The following DLG2 variants were observed in gnomAD, a reference collection of about 807,000 sequenced individuals.
DLG2 encodes the protein discs large MAGUK scaffold protein 2, also known as disks large homolog 2.
In DLG2, 45 loss-of-function variants were observed where a neutral mutation model predicts 132.5. That is an observed-to-expected ratio of 0.34 (90% CI 0.27 to 0.44). DLG2 has a LOEUF of 0.44. Among genes scored for constraint, DLG2 ranks in the 20% least tolerant of loss-of-function variants. The pLI, the probability that DLG2 is intolerant of heterozygous loss-of-function variation, is 1.00. For synonymous variants in DLG2, 424 were observed against 419.6 expected (o/e 1.01, Z -0.13); for missense variants, 1,045 against 1,196.9 (o/e 0.87, Z 1.87).
intron 7 of DLG2, among the ~76,000 whole-genome samples, chr11:84,470,618 G>A (rs900229990): frequency 3.3e-5 from 5 of 151,820 alleles, no homozygotes; most frequent in Middle Eastern, 3.4e-3. Flanking sequence ...AGTATGCAAC[G>A]TACCTATGTA....
intron 6 of DLG2, among the ~76,000 whole-genome samples, chr11:84,615,839 A>AAAAAAAAAAAAAAAT: frequency 6.8e-6 from 1 of 146,124 alleles, no homozygotes; most frequent in South Asian, 2.2e-4. Context: ...AAAAAAAAAA[A>AAAAAAAAAAAAAAAT]ACTTCATTCC....
intron 7 of DLG2, among the ~76,000 whole-genome samples, chr11:84,333,542 G>T (rs1014325154): frequency 6.6e-6 from 1 of 152,154 alleles, no homozygotes; most frequent in Non-Finnish European, 1.5e-5. Flanking sequence ...TTTTGAAGCT[G>T]CCAGGTACAT....
chr11:84,538,946 T>C (rs1350294922), intron 6 of DLG2, among the ~76,000 whole-genome samples: 1 of 152,180 alleles, frequency 6.6e-6, no homozygotes, highest in Non-Finnish European at 1.5e-5. Flanking sequence ...TGATATGATA[T>C]AGCAGAATTT....
intron 4 of DLG2, among the ~76,000 whole-genome samples, chr11:85,190,644 C>T (rs1018641176): frequency 2.0e-5 from 3 of 151,948 alleles, no homozygotes; most frequent in African/African-American, 7.3e-5. Flanking sequence ...AAGAGAAGAT[C>T]CAAATAAACA....
chr11:83,676,232 A>G (rs1490263903), intron 18 of DLG2, among the ~76,000 whole-genome samples: 1 of 152,152 alleles, frequency 6.6e-6, no homozygotes, highest in Non-Finnish European at 1.5e-5. Flanking sequence ...CTATGAAAAC[A>G]AGTTGTCTAG....
chr11:84,113,070 G>C (rs2154194272), intron 9 of DLG2, among the ~76,000 whole-genome samples: 1 of 152,318 alleles, frequency 6.6e-6, no homozygotes, highest in South Asian at 2.1e-4. Context: ...GGAGATAACT[G>C]TTGGTGTCTT....
At position 83,589,294 on chromosome 11, in the gene DLG2, G is replaced by A. The variant is rs1312590721; in HGVS notation, c.1940+43917C>T. Among the ~76,000 whole-genome samples, 102 of 148,420 alleles carry A rather than the reference G, an allele frequency of 6.9e-4. 2 individuals are homozygous for A. The highest frequency in any genetic ancestry group is 1.4e-3 in the African/African-American group (57 of 40,366). On this transcript the variant is annotated intron_variant, in intron 19 of 27. Coordinates refer to ENST00000376104, the MANE Select transcript of DLG2 (RefSeq NM_001142699.3). Reference sequence around the variant, plus strand: ...CCATCAGACTAACAGCAGATCTCTCGGCAGAAACCCTACAAGCCAGAAGAG... The same window carrying A: ...CCATCAGACTAACAGCAGATCTCTCAGCAGAAACCCTACAAGCCAGAAGAG...
rs186015608 is a variant in DLG2, at chr11:84,240,480, G to T, written c.573+10758C>A. Among the ~76,000 whole-genome samples, 17 of 152,278 alleles carry T rather than the reference G, an allele frequency of 1.1e-4. No homozygotes were observed. The East Asian group carries it at 2.7e-3, about 24-fold the overall frequency. ...AGAAGTTAATTTTTTTAGTTATCCA[G>T]CTGGTATATGGTTGAATCAAAAGAG... On this transcript the variant is annotated intron_variant, in intron 8 of 27. Coordinates refer to ENST00000376104, the MANE Select transcript of DLG2 (RefSeq NM_001142699.3).
At chr11:84,785,162 A>ATG (rs143523672) in intron 6 of DLG2, among the ~76,000 whole-genome samples, 3,763 of 152,160 alleles carry the variant, frequency 0.025, 155 homozygotes, top group African/African-American at 0.087. Context: ...TATGGTTTGC[A>ATG]TGTCTCTTAC....
intron 7 of DLG2, among the ~76,000 whole-genome samples, chr11:84,446,632 T>G (rs549900020): frequency 6.6e-6 from 1 of 152,114 alleles, no homozygotes; most frequent in Non-Finnish European, 1.5e-5. Context: ...TTTACTCTTT[T>G]TTTTTCTTTT....
chr11:84,138,841 G>A (rs1284396060), intron 9 of DLG2, among the ~76,000 whole-genome samples: 2 of 151,632 alleles, frequency 1.3e-5, no homozygotes, highest in African/African-American at 4.8e-5. Flanking sequence ...CCCAGTTACT[G>A]GGGAGGCTGA....
intron 14 of DLG2, among the ~76,000 whole-genome samples, chr11:83,959,516 C>T (rs566764730): frequency 6.6e-6 from 1 of 152,196 alleles, no homozygotes; most frequent in Non-Finnish European, 1.5e-5. Flanking sequence ...CAAACATAAG[C>T]ACCTAAATGA....
intron 10 of DLG2, among the ~76,000 whole-genome samples, chr11:84,064,773 G>C (rs2096645870): frequency 6.6e-6 from 1 of 152,066 alleles, no homozygotes; most frequent in Non-Finnish European, 1.5e-5. Flanking sequence ...TTAAAATTTT[G>C]TATAAGAAAG....
At chr11:83,473,917 T>C (rs2136718243) in intron 22 of DLG2, among the ~76,000 whole-genome samples, 1 of 152,258 alleles carries the variant, frequency 6.6e-6, no homozygotes, top group South Asian at 2.1e-4. Context: ...TATGTGGGTA[T>C]AGCTGCGAAG....
intron 6 of DLG2, among the ~76,000 whole-genome samples, chr11:84,722,064 T>C (rs2061899843): frequency 6.6e-6 from 1 of 152,094 alleles, no homozygotes; most frequent in Non-Finnish European, 1.5e-5. Context: ...GAAGGTTAGG[T>C]TCAAAGAAAA....
Position 83,937,308 on chromosome 11 carries a change from C to A in DLG2, c.1341-6825G>T, listed in dbSNP as rs1591418387. On this transcript the variant is annotated intron_variant, in intron 14 of 27. Coordinates refer to ENST00000376104, the MANE Select transcript of DLG2 (RefSeq NM_001142699.3). ...GGATCACGAGGTCAGGAGATCGAGA[C>A]CATCCTGGCTACCACGGTGAAACCC... 2.0e-5 allele frequency among the ~76,000 whole-genome samples: 3 copies of A among 151,884 alleles called. 1 individual carries two copies. The highest frequency in any genetic ancestry group is 6.8e-3 in the Middle Eastern group (2 of 294).
chr11:84,671,820 A>G (rs939743463), intron 6 of DLG2, among the ~76,000 whole-genome samples: 10 of 152,130 alleles, frequency 6.6e-5, no homozygotes, highest in African/African-American at 1.7e-4. Flanking sequence ...GATTATGGGA[A>G]CTAAGTAAAG....
At chr11:85,382,863 G>T (rs1389228522) in intron 3 of DLG2, among the ~76,000 whole-genome samples, 1 of 152,120 alleles carries the variant, frequency 6.6e-6, no homozygotes, top group Non-Finnish European at 1.5e-5. Context: ...ATATGGAGAA[G>T]TTGTAATACA....
At position 83,874,351 on chromosome 11, in the gene DLG2, C is replaced by T. The variant is rs945970087; in HGVS notation, c.1565+69G>A. ...AGGGAAGGAGAAAGAGAGACAGAGA[C>T]AGGGAGAGAAAGGAAGACTTCATAT... On this transcript the variant is annotated intron_variant, in intron 16 of 27. Transcript: ENST00000376104. 1.7e-5 allele frequency: 19 copies of T among 1,099,526 alleles called. No homozygotes were observed. In the Admixed American group the frequency reaches 1.8e-4, roughly 10 times the overall value. 68.1% of individuals were successfully genotyped at this position (1,099,526 alleles called of 1,614,324 possible).
Sources: allele counts gnomAD v4.1 joint callset (sites outside exome capture counted in the v4.1 genomes callset), GRCh38; gene constraint gnomAD v4.1.1; transcripts MANE v1.5; gene names NCBI Gene and HGNC (gene_info 2026-07-23, HGNC 2026-07-21).